Variants in PCDH15 observed in about 807,000 individuals in gnomAD.
PCDH15 encodes protocadherin-15.
Under a neutral mutation model 178.5 loss-of-function variants are expected in PCDH15, and 129 were observed. The ratio of observed to expected loss-of-function variants is 0.72; its 90% CI spans 0.63 to 0.84. PCDH15 has a LOEUF of 0.84. Ranked by LOEUF, PCDH15 falls within the 40% of genes least tolerant of loss-of-function variation. PCDH15 has a pLI of 0.00. For synonymous variants in PCDH15, 800 were observed against 732.0 expected (o/e 1.09, Z -1.50); for missense variants, 2,230 against 2,099.9 (o/e 1.06, Z -1.21).
chr10:54,149,947 G>A (rs984016836), intron 14 of PCDH15, among the ~76,000 whole-genome samples: 15 of 152,050 alleles, frequency 9.9e-5, no homozygotes, highest in African/African-American at 3.6e-4. Context: ...GGAGGAAGAG[G>A]GGCATTGAGG....
intron 2 of PCDH15, among the ~76,000 whole-genome samples, chr10:55,117,568 A>G (rs2132062490): frequency 1.3e-5 from 2 of 152,278 alleles, no homozygotes; most frequent in Admixed American, 1.3e-4. Context: ...CAGTGTCCCC[A>G]TTTGAACCGT....
chr10:55,611,354 CT>C (rs1160609455), intron 2 of PCDH15, among the ~76,000 whole-genome samples: 3 of 151,842 alleles, frequency 2.0e-5, no homozygotes, highest in Non-Finnish European at 4.4e-5. Context: ...GGCAAAAGAC[CT>C]GGACAGATAT....
intron 1 of PCDH15, among the ~76,000 whole-genome samples, chr10:55,255,625 AC>A (rs1841975591): frequency 6.6e-6 from 1 of 151,978 alleles, no homozygotes; most frequent in Non-Finnish European, 1.5e-5. Context: ...TTGTTTCCTG[AC>A]TTTTTAATGA....
intron 2 of PCDH15, among the ~76,000 whole-genome samples, chr10:55,120,705 C>A (rs1837744566): frequency 6.6e-6 from 1 of 152,184 alleles, no homozygotes; most frequent in African/African-American, 2.4e-5. Context: ...GATGCATTAT[C>A]TCACCTCAAG....
chr10:55,456,444 C>A lies in PCDH15; in HGVS notation c.-156+171181G>T, dbSNP rs555250090. 2.4e-4 allele frequency among the ~76,000 whole-genome samples: 36 copies of A among 152,052 alleles called. 1 individual carries two copies. In the South Asian group the frequency reaches 6.8e-3, roughly 29 times the overall value. ...TGATCATTTATTTCCTTCATGCATT[C>A]TGTGTTAAACGTCTCATAAATAATG... is the stretch of plus-strand genomic sequence containing the variant. On this transcript the variant is annotated intron_variant, in intron 2 of 5. Transcript: ENST00000613346.
intron 1 of PCDH15, among the ~76,000 whole-genome samples, chr10:55,205,993 G>T (rs979074433): frequency 4.0e-5 from 6 of 151,786 alleles, no homozygotes; most frequent in African/African-American, 1.5e-4. Context: ...TCACTATCAC[G>T]AGAACAGCAT....
intron 26 of PCDH15, among the ~76,000 whole-genome samples, chr10:53,894,780 G>A (rs1459901225): frequency 6.6e-6 from 1 of 152,084 alleles, no homozygotes; most frequent in African/African-American, 2.4e-5. Flanking sequence ...GATTTTAAAG[G>A]GCACCTGCTT....
At chr10:54,780,815 T>A (rs181722334) in intron 1 of PCDH15, among the ~76,000 whole-genome samples, 1 of 151,980 alleles carries the variant, frequency 6.6e-6, no homozygotes, top group East Asian at 1.9e-4. Flanking sequence ...AGATATTTGG[T>A]AGCTTCCTTA....
In PCDH15 at chr10:55,622,460, A is replaced by T. The variant is rs868036653; in HGVS notation, c.-156+5165T>A. Reference sequence around the variant, plus strand: ...TTTAGAAAAATGAAAAAACATAGTTATATAAATCATTTCTAATGATTTGTT... The same window carrying T: ...TTTAGAAAAATGAAAAAACATAGTTTTATAAATCATTTCTAATGATTTGTT... On this transcript the variant is annotated intron_variant, in intron 2 of 5. Transcript: ENST00000613346. 2.0e-5 allele frequency among the ~76,000 whole-genome samples: 3 copies of T among 152,194 alleles called. No homozygotes were observed. In the South Asian group the frequency reaches 6.2e-4, roughly 31 times the overall value.
chr10:54,297,437 G>T (rs2059872884), intron 8 of PCDH15, among the ~76,000 whole-genome samples: 1 of 152,114 alleles, frequency 6.6e-6, no homozygotes, highest in Non-Finnish European at 1.5e-5. Flanking sequence ...GAAGGCAAAT[G>T]GAGTGAAATA....
At chr10:55,321,435 T>G (rs931592640), upstream of PCDH15, among the ~76,000 whole-genome samples, 2 of 152,134 alleles carry the variant, frequency 1.3e-5, no homozygotes, top group African/African-American at 4.8e-5. Context: ...GAATATTGTA[T>G]ATTGAAGACT....
chr10:54,735,131 T>C (rs1027080126), intron 1 of PCDH15, among the ~76,000 whole-genome samples: 1 of 152,212 alleles, frequency 6.6e-6, no homozygotes, highest in South Asian at 2.1e-4. Context: ...TATCCCTTTA[T>C]AGAAATTCTC....
intron 1 of PCDH15, among the ~76,000 whole-genome samples, chr10:54,784,893 T>C (rs574047498): frequency 6.6e-6 from 1 of 152,014 alleles, no homozygotes; most frequent in Non-Finnish European, 1.5e-5. Context: ...TATATTTTAT[T>C]TTTTCTACCT....
chr10:54,380,640 C>CATATATATATAT (rs1565131136), intron 3 of PCDH15, among the ~76,000 whole-genome samples: 1 of 7,694 alleles, frequency 1.3e-4, no homozygotes, highest in African/African-American at 4.5e-4. Flanking sequence ...TGTGTGTATG[C>CATATATATATAT]ATGTATATAT....
intron 2 of PCDH15, among the ~76,000 whole-genome samples, chr10:55,416,538 AG>A (rs1248752417): frequency 4.6e-5 from 7 of 151,902 alleles, no homozygotes; most frequent in Admixed American, 2.6e-4. Context: ...AATGGGGTTC[AG>A]GGCTAAGGGG....
chr10:54,503,218 C>CATAT lies in PCDH15; in HGVS notation c.157+24590_157+24593dup, dbSNP rs200118609. Among the ~76,000 whole-genome samples, 52 of 104,826 alleles carry CATAT rather than the reference C, an allele frequency of 5.0e-4. No homozygotes were observed. The East Asian group carries it at 0.01, about 20-fold the overall frequency. The allele number at this position is 104,826 out of a possible 152,430, so 68.8% of individuals were successfully genotyped here. A position where few individuals can be genotyped will look rare whatever the true frequency, so the allele number is the denominator to read the frequency against. On this transcript the variant is annotated intron_variant, in intron 3 of 37. Coordinates refer to ENST00000644397, the MANE Select transcript of PCDH15 (RefSeq NM_001384140.1). ...GAAGGCAAATCCCAGGCCAAATATA[C>CATAT]ATATATATGTGTGTGTGTGTGTGTG...
chr10:54,190,890 T>C (rs1418004662), intron 11 of PCDH15, among the ~76,000 whole-genome samples: 1 of 152,226 alleles, frequency 6.6e-6, no homozygotes, highest in Non-Finnish European at 1.5e-5. Flanking sequence ...TCTTCTAATA[T>C]ATGAATGACT....
chr10:54,761,760 A>G (rs1009666204), intron 1 of PCDH15, among the ~76,000 whole-genome samples: 3 of 151,718 alleles, frequency 2.0e-5, no homozygotes, highest in Non-Finnish European at 4.4e-5. Context: ...TCCAAAGGAA[A>G]ACTATCATTA....
At chr10:54,836,384 C>T (rs1237027862) in intron 3 of PCDH15, among the ~76,000 whole-genome samples, 1 of 152,126 alleles carries the variant, frequency 6.6e-6, no homozygotes, top group Non-Finnish European at 1.5e-5. Flanking sequence ...CATACGCATA[C>T]ACACCCACAC....
Sources: gnomAD v4.1 joint callset for allele counts (sites outside exome capture counted in the v4.1 genomes callset) on GRCh38, gnomAD v4.1.1 for gene constraint, MANE v1.5 for transcripts, NCBI Gene and HGNC (gene_info 2026-07-23, HGNC 2026-07-21) for gene names.